Variants in TEX2 observed in about 807,000 individuals in gnomAD.
The protein encoded by TEX2 is testis-expressed protein 2.
A neutral mutation model predicts 106.9 loss-of-function variants in TEX2; 53 were observed. The ratio of observed to expected loss-of-function variants is 0.50; its 90% CI spans 0.40 to 0.62. The LOEUF is 0.62. Among genes scored for constraint, TEX2 ranks in the 20% least tolerant of loss-of-function variants. TEX2 has a pLI of 0.00. For synonymous variants in TEX2, 523 were observed against 534.8 expected (o/e 0.98, Z 0.30); for missense variants, 1,207 against 1,379.0 (o/e 0.88, Z 1.98).
intron 5 of TEX2, among the ~76,000 whole-genome samples, chr17:64,180,090 G>C (rs778307575): frequency 6.6e-6 from 1 of 152,032 alleles, no homozygotes; most frequent in African/African-American, 2.4e-5. Flanking sequence ...AGTCCCATCC[G>C]ATTATTTATA....
chr17:64,163,079 T>A (rs2030961034), intron 7 of TEX2, among the ~76,000 whole-genome samples: 1 of 152,162 alleles, frequency 6.6e-6, no homozygotes, highest in South Asian at 2.1e-4. Context: ...AGGGCCCTGC[T>A]CAGCCCTGGC....
chr17:64,161,050 T>G (rs2030862324), intron 7 of TEX2, 117 bp from the exon 8 acceptor site: 1 of 1,110,360 alleles, frequency 9.0e-7, no homozygotes, highest in Admixed American at 2.3e-5. Context: ...ATGTATCGTC[T>G]ACTACTCTAG....
chr17:64,179,871 G>T (rs1049264918), intron 5 of TEX2, among the ~76,000 whole-genome samples: 1 of 152,076 alleles, frequency 6.6e-6, no homozygotes, highest in African/African-American at 2.4e-5. Flanking sequence ...ATTCTCTCTG[G>T]GCTTTTCGAG....
intron 1 of TEX2, among the ~76,000 whole-genome samples, chr17:64,218,521 T>G (rs966448585): frequency 2.0e-5 from 3 of 150,242 alleles, no homozygotes; most frequent in Non-Finnish European, 4.4e-5. Flanking sequence ...CAGGTTCAAG[T>G]GATTCTCCTG....
intron 1 of TEX2, among the ~76,000 whole-genome samples, chr17:64,243,642 A>C (rs2033932753): frequency 6.6e-6 from 1 of 152,206 alleles, no homozygotes; most frequent in African/African-American, 2.4e-5. Flanking sequence ...TAACAGCAGC[A>C]AACTTTCTCT....
intron 2 of TEX2, among the ~76,000 whole-genome samples, chr17:64,198,301 T>C (rs2032543669): frequency 6.6e-6 from 1 of 151,162 alleles, no homozygotes. Flanking sequence ...GAAAATACTG[T>C]CTTACATATA....
At position 64,153,034 on chromosome 17, in the gene TEX2, G is replaced by A. The variant is rs758715141; in HGVS notation, c.3051C>T (p.Ser1017=). 7 of 1,614,110 alleles carry A rather than the reference G, an allele frequency of 4.3e-6. 2 individuals carry two copies. The South Asian group carries it at 7.7e-5, about 18-fold the overall frequency. ...CAACAGTGAGCAGCAGGGGTGTGTT[G>A]GAGACTTCTTCGATCTTCTTTTTAA... ...EFIKKKIEEV[S]NTPLLLTVEV... Residue 1017 remains serine (S), a synonymous_variant, in exon 10 of 12, where the codon TCC becomes TCT. Coordinates refer to ENST00000584379, the MANE Select transcript of TEX2 (RefSeq NM_001288732.2). This position sits in a 1 kb window ranked among gnomAD's most constrained non-coding sequence, Gnocchi z 4.1.
intron 1 of TEX2, among the ~76,000 whole-genome samples, chr17:64,221,656 A>C (rs1555633319): frequency 2.0e-5 from 3 of 152,254 alleles, no homozygotes; most frequent in Non-Finnish European, 4.4e-5. Context: ...GAACTACCAT[A>C]TAATCCTCCA....
chr17:64,204,008 A>G (rs1401602324), intron 2 of TEX2, among the ~76,000 whole-genome samples: 7 of 152,254 alleles, frequency 4.6e-5, no homozygotes, highest in Admixed American at 4.6e-4. Context: ...CAAATTAGAA[A>G]GGTAAAATGA....
intron 2 of TEX2, among the ~76,000 whole-genome samples, chr17:64,198,656 T>C (rs548614366): frequency 6.8e-5 from 9 of 131,568 alleles, no homozygotes; most frequent in African/African-American, 1.0e-4. Context: ...TCCATCCTAA[T>C]ACCTAAGCTG....
chr17:64,159,144 C>T (rs1248129536), intron 8 of TEX2, among the ~76,000 whole-genome samples: 2 of 152,184 alleles, frequency 1.3e-5, no homozygotes, highest in South Asian at 2.1e-4. Flanking sequence ...TGGACGCATA[C>T]GTGGCAAGCA....
intron 2 of TEX2, among the ~76,000 whole-genome samples, chr17:64,196,651 C>T (rs1429397423): frequency 6.6e-6 from 1 of 152,190 alleles, no homozygotes; most frequent in Non-Finnish European, 1.5e-5. Context: ...CTGAAGTGGA[C>T]TGTATTGTCA....
At chr17:64,262,779 G>C (rs1451734038) in intron 1 of TEX2, among the ~76,000 whole-genome samples, 2 of 152,222 alleles carry the variant, frequency 1.3e-5, no homozygotes, top group African/African-American at 4.8e-5. Context: ...CAAGCATTTC[G>C]CGTCGCCGGT....
chr17:64,175,594 G>A (rs1243469301), intron 6 of TEX2, among the ~76,000 whole-genome samples: 4 of 152,164 alleles, frequency 2.6e-5, no homozygotes, highest in Non-Finnish European at 4.4e-5. Flanking sequence ...TGGTGTTGTT[G>A]TTGTTTTTAG....
In TEX2 at chr17:64,153,204, A is replaced by C. The variant is rs573793737; in HGVS notation, c.2931-50T>G. ...GGTTAGCACAAACTTTGCTCTTTTC[A>C]CAGACAAAAACCTGTGGCTCTTCGT... On this transcript the variant is annotated intron_variant, in intron 9 of 11. Transcript: ENST00000584379. This position sits in a 1 kb window ranked among gnomAD's most constrained non-coding sequence, Gnocchi z 4.1. The C allele has an allele frequency of 1.2e-4, 157 of 1,313,404 alleles. No homozygotes were observed. Among genetic ancestry groups the C allele is most frequent in the Non-Finnish European group, 1.7e-4 (153 of 924,438 alleles). The allele number at this position is 1,313,404 out of a possible 1,614,324, so 81.4% of individuals were successfully genotyped here.
At chr17:64,193,982 C>A in intron 3 of TEX2, 93 bp from the exon 4 acceptor site, 1 of 803,104 alleles carries the variant, frequency 1.2e-6, no homozygotes, top group Non-Finnish European at 1.7e-6. Flanking sequence ...ACCTTATAGA[C>A]TTTTTGACTA....
intron 11 of TEX2, chr17:64,149,935 A>G (rs2030264629): frequency 6.6e-6 from 1 of 151,060 alleles, no homozygotes. Context: ...AAAAAAAAAA[A>G]AAGAAAGAAA....
At chr17:64,238,038 A>G (rs2033808258) in intron 1 of TEX2, among the ~76,000 whole-genome samples, 1 of 152,220 alleles carries the variant, frequency 6.6e-6, no homozygotes, top group African/African-American at 2.4e-5. Context: ...GCGGTGGTTC[A>G]TGCCTGTAAT....
intron 1 of TEX2, among the ~76,000 whole-genome samples, chr17:64,249,423 A>C (rs2034050390): frequency 6.6e-6 from 1 of 152,146 alleles, no homozygotes; most frequent in Non-Finnish European, 1.5e-5. Flanking sequence ...GATCCCACAA[A>C]ATGGCTAAAA....
Sources: gnomAD v4.1 joint callset for allele counts (sites outside exome capture counted in the v4.1 genomes callset) on GRCh38, gnomAD v4.1.1 for gene constraint, Gnocchi (gnomAD v3.1) non-coding constraint, MANE v1.5 for transcripts, NCBI Gene and HGNC (gene_info 2026-07-23, HGNC 2026-07-21) for gene names.